ROBO2: variants seen among roughly 807,000 people sequenced by gnomAD.
ROBO2 encodes the protein roundabout guidance receptor 2, also known as roundabout homolog 2.
ROBO2 carries 53 observed loss-of-function variants against 160.8 expected under a neutral mutation model. The observed-to-expected ratio is 0.33, with a 90% confidence interval of 0.26 to 0.41. The LOEUF (loss-of-function observed/expected upper bound fraction) is 0.41, where lower values mean the gene tolerates loss of function less well. ROBO2 is among the 10% of genes least tolerant of loss of function. The pLI, the probability that ROBO2 is intolerant of heterozygous loss-of-function variation, is 1.00. For missense variants in ROBO2, 1,577 were observed against 1,722.4 expected (o/e 0.92, Z 1.49); for synonymous variants, 664 against 611.7 (o/e 1.09, Z -1.26).
chr3:77,441,398 C>T (rs182167584), intron 2 of ROBO2, among the ~76,000 whole-genome samples: 2 of 150,708 alleles, frequency 1.3e-5, no homozygotes, highest in East Asian at 3.9e-4. Flanking sequence ...CACACATATA[C>T]CTATGCTGTA....
At chr3:76,688,145 A>G (rs1037687702) in intron 2 of ROBO2, among the ~76,000 whole-genome samples, 1 of 152,110 alleles carries the variant, frequency 6.6e-6, no homozygotes, top group African/African-American at 2.4e-5. Context: ...CATATTATGT[A>G]ATATTGTATG....
chr3:77,635,641 T>C (rs2095251401), intron 24 of ROBO2, among the ~76,000 whole-genome samples: 1 of 152,220 alleles, frequency 6.6e-6, no homozygotes, highest in Non-Finnish European at 1.5e-5. Flanking sequence ...ACCTTTTTTG[T>C]TTAAATATGC....
intron 2 of ROBO2, among the ~76,000 whole-genome samples, chr3:76,157,595 TG>T (rs992619381): frequency 2.6e-4 from 40 of 152,148 alleles, no homozygotes; most frequent in African/African-American, 1.9e-4. Flanking sequence ...TTCTCATTTA[TG>T]GGGGGGCTGC....
chr3:76,910,020 A>G (rs2075866417), intron 2 of ROBO2, among the ~76,000 whole-genome samples: 1 of 152,178 alleles, frequency 6.6e-6, no homozygotes, highest in South Asian at 2.1e-4. Context: ...GTGAAGATCT[A>G]AAATAATCAT....
upstream of ROBO2, among the ~76,000 whole-genome samples, chr3:77,038,339 T>G (rs1445629686): frequency 6.6e-6 from 1 of 152,198 alleles, no homozygotes; most frequent in Non-Finnish European, 1.5e-5. Context: ...GAAGAGTGGT[T>G]GTTTTATTCT....
intron 2 of ROBO2, among the ~76,000 whole-genome samples, chr3:75,969,806 G>A (rs571074042): frequency 6.6e-6 from 1 of 151,440 alleles, no homozygotes; most frequent in East Asian, 2.0e-4. Context: ...TCTGACATAC[G>A]GTTTGTAAAT....
intron 6 of ROBO2, among the ~76,000 whole-genome samples, chr3:77,526,279 C>G (rs141550962): frequency 1.3e-5 from 2 of 151,594 alleles, no homozygotes; most frequent in East Asian, 3.9e-4. Flanking sequence ...TACGATGTAT[C>G]TGTTAAGTGA....
intron 2 of ROBO2, among the ~76,000 whole-genome samples, chr3:77,447,292 A>G (rs1297772429): frequency 6.6e-6 from 1 of 152,156 alleles, no homozygotes; most frequent in Non-Finnish European, 1.5e-5. Flanking sequence ...AACTTACTAT[A>G]GTAAGAAACA....
At chr3:76,355,591 G>A (rs1049386168) in intron 2 of ROBO2, among the ~76,000 whole-genome samples, 1 of 151,652 alleles carries the variant, frequency 6.6e-6, no homozygotes, top group Admixed American at 6.6e-5. Flanking sequence ...AAAATTCACG[G>A]ATAATAAGTA....
At chr3:76,212,999 T>C (rs1175622371) in intron 2 of ROBO2, among the ~76,000 whole-genome samples, 1 of 152,162 alleles carries the variant, frequency 6.6e-6, no homozygotes, top group African/African-American at 2.4e-5. Flanking sequence ...ATTTTGTAAG[T>C]TAAACACTAT....
intron 2 of ROBO2, among the ~76,000 whole-genome samples, chr3:77,009,398 T>C (rs922804711): frequency 1.3e-5 from 2 of 152,208 alleles, no homozygotes; most frequent in African/African-American, 4.8e-5. Context: ...TCCAAGTTTT[T>C]AACAATTTTT....
chr3:77,344,650 C>T (rs2067433860), intron 2 of ROBO2, among the ~76,000 whole-genome samples: 1 of 151,948 alleles, frequency 6.6e-6, no homozygotes, highest in African/African-American at 2.4e-5. Flanking sequence ...ATAATCTACC[C>T]AGTATAGGGT....
chr3:76,248,524 G>T (rs1315400370), intron 2 of ROBO2, among the ~76,000 whole-genome samples: 1 of 151,360 alleles, frequency 6.6e-6, no homozygotes, highest in Non-Finnish European at 1.5e-5. Flanking sequence ...ATAGCATTGG[G>T]AGATATACCT....
chr3:76,422,904 T>C (rs4855980), intron 2 of ROBO2, among the ~76,000 whole-genome samples: 72,639 of 151,924 alleles, frequency 0.48, 17,497 homozygotes, highest in East Asian at 0.54. Flanking sequence ...TTCTTTGTAA[T>C]CCAAAGACAC....
At chr3:77,484,409 A>G (rs1287103178) in intron 4 of ROBO2, among the ~76,000 whole-genome samples, 1 of 151,988 alleles carries the variant, frequency 6.6e-6, no homozygotes, top group Non-Finnish European at 1.5e-5. Context: ...GTGTTTATGA[A>G]TGCAATACAC....
chr3:76,784,649 C>T (rs2062861338), intron 2 of ROBO2, among the ~76,000 whole-genome samples: 2 of 151,092 alleles, frequency 1.3e-5, no homozygotes, highest in South Asian at 4.1e-4. Context: ...TTGGGGCATT[C>T]CTTGATAGGT....
chr3:76,839,863 A>G (rs1052892968), intron 2 of ROBO2, among the ~76,000 whole-genome samples: 2 of 152,150 alleles, frequency 1.3e-5, no homozygotes, highest in African/African-American at 4.8e-5. Flanking sequence ...TGGTGTATTT[A>G]GGTTTTTTAT....
At position 76,231,529 on chromosome 3, in the gene ROBO2, T is replaced by G. The variant is rs898123883; in HGVS notation, c.109+293927T>G. ...TTGACTCCTCTTCTGAAATTGCCCA[T>G]TCATCTGTAGTTTCATTTACTATCT... is the stretch of plus-strand genomic sequence containing the variant. On this transcript the variant is annotated intron_variant, in intron 2 of 26. Transcript: ENST00000487694. Among the ~76,000 whole-genome samples, 17 of 152,322 alleles carry G rather than the reference T, an allele frequency of 1.1e-4. 1 individual carries two copies. Among genetic ancestry groups the G allele is most frequent in the Admixed American group, 8.5e-4 (13 of 15,290 alleles).
At chr3:75,931,213 G>A (rs1425768050) in intron 1 of ROBO2, among the ~76,000 whole-genome samples, 2 of 152,144 alleles carry the variant, frequency 1.3e-5, no homozygotes, top group Non-Finnish European at 2.9e-5. Context: ...TAGGGTCCTT[G>A]AACACTGTGG....
Sources: gnomAD v4.1 joint callset for allele counts (sites outside exome capture counted in the v4.1 genomes callset) on GRCh38, gnomAD v4.1.1 for gene constraint, MANE v1.5 for transcripts, NCBI Gene and HGNC (gene_info 2026-07-23, HGNC 2026-07-21) for gene names.